The following MCC variants were observed in gnomAD, a reference collection of about 807,000 sequenced individuals.
The protein encoded by MCC is colorectal mutant cancer protein.
MCC carries 90 observed loss-of-function variants against 116.2 expected under a neutral mutation model. The ratio of observed to expected loss-of-function variants is 0.77; its 90% confidence interval spans 0.65 to 0.92. The LOEUF (loss-of-function observed/expected upper bound fraction) is 0.92. MCC is among the 40% of genes least tolerant of loss of function. MCC has a pLI of 0.00. For synonymous variants in MCC, 578 were observed against 510.5 expected (o/e 1.13, Z -1.78); for missense variants, 1,516 against 1,312.2 (o/e 1.16, Z -2.40).
chr5:113,039,717 C>A lies in MCC; in HGVS notation c.2756+3813G>T, dbSNP rs376310738. ...CCTTGCCGTCCCACTCCGCGCCCCC[C>A]CCCCCAACCCACCCCAGGATCACAT... On this transcript the variant is annotated intron_variant, in intron 17 of 18. Transcript: ENST00000408903. Among the ~76,000 whole-genome samples, 689 of 141,262 alleles carry A rather than the reference C, an allele frequency of 4.9e-3. 8 individuals carry two copies. The highest frequency in any genetic ancestry group is 0.014 in the African/African-American group (540 of 38,812). 92.7% of individuals were successfully genotyped at this position (141,262 alleles called of 152,430 possible). A position where few individuals can be genotyped will look rare whatever the true frequency, so the allele number is the denominator to read the frequency against.
intron 1 of MCC, among the ~76,000 whole-genome samples, chr5:113,390,125 T>C (rs1769367465): frequency 6.6e-6 from 1 of 152,138 alleles, no homozygotes; most frequent in Admixed American, 6.5e-5. Flanking sequence ...CTTTTGTATA[T>C]TATTTCAGAA....
intron 1 of MCC, among the ~76,000 whole-genome samples, chr5:113,456,623 ATTT>A (rs34111159): frequency 7.8e-5 from 4 of 51,074 alleles, no homozygotes; most frequent in South Asian, 2.4e-3. Flanking sequence ...TGCCCAGCTA[ATTT>A]TTTTTTTTTT....
chr5:113,092,268 G>C (rs951026622), intron 8 of MCC, among the ~76,000 whole-genome samples: 2 of 152,162 alleles, frequency 1.3e-5, no homozygotes, highest in African/African-American at 4.8e-5. Context: ...AGGAGTGCCA[G>C]AGTTAGAGCT....
intron 6 of MCC, among the ~76,000 whole-genome samples, chr5:113,105,058 G>C (rs1756650598): frequency 6.6e-6 from 1 of 152,186 alleles, no homozygotes; most frequent in African/African-American, 2.4e-5. Flanking sequence ...ATGTGATTCA[G>C]ATATATCTTA....
Position 113,319,553 on chromosome 5 carries a change from A to G in MCC, c.627+20966T>C, listed in dbSNP as rs992137435. On this transcript the variant is annotated intron_variant, in intron 3 of 18. Coordinates refer to ENST00000408903, the MANE Select transcript of MCC (RefSeq NM_001085377.2). ...TGAGCATTTTCTGTGAGCTGGACCA[A>G]GAGAAGATGGAAGGGAGTGATTGGA... Among the ~76,000 whole-genome samples, 21 of 152,220 alleles carry G rather than the reference A, an allele frequency of 1.4e-4. 1 individual carries two copies. Among genetic ancestry groups the G allele is most frequent in the Non-Finnish European group, 1.5e-5 (1 of 68,042 alleles).
intron 11 of MCC, among the ~76,000 whole-genome samples, chr5:113,075,369 C>T (rs1754364143): frequency 6.6e-6 from 1 of 152,232 alleles, no homozygotes; most frequent in South Asian, 2.1e-4. Context: ...GGGTGCCGCC[C>T]CCTGCTCTGA....
chr5:113,091,129 G>A (rs1476903436), intron 8 of MCC, among the ~76,000 whole-genome samples: 1 of 152,244 alleles, frequency 6.6e-6, no homozygotes, highest in African/African-American at 2.4e-5. Flanking sequence ...TCCTGAGGCT[G>A]TGCAGCGGAG....
chr5:113,333,768 ATG>A (rs1767757409), intron 3 of MCC, among the ~76,000 whole-genome samples: 1 of 52,842 alleles, frequency 1.9e-5, no homozygotes, highest in South Asian at 9.0e-4. Context: ...CAAAAACAAA[ATG>A]TCTTTGCTTC....
intron 8 of MCC, among the ~76,000 whole-genome samples, chr5:113,091,641 G>C (rs1478847285): frequency 1.3e-5 from 2 of 152,152 alleles, no homozygotes; most frequent in Non-Finnish European, 2.9e-5. Flanking sequence ...CAACACTTTG[G>C]GAGGCCAAGG....
intron 3 of MCC, among the ~76,000 whole-genome samples, chr5:113,181,023 T>C (rs1761602339): frequency 6.6e-6 from 1 of 152,200 alleles, no homozygotes; most frequent in Non-Finnish European, 1.5e-5. Context: ...CTTGATTAAA[T>C]TAGATCAATG....
Position 113,022,828 on chromosome 5 carries a change from G to C in MCC, c.*4474C>G, listed in dbSNP as rs1750241309. On this transcript the variant is annotated 3_prime_UTR_variant, in exon 19 of 19. Transcript: ENST00000408903. ...GTGGAAAGATGAAGTACTAGTCAAG[G>C]ATGTGGTTTTACATAGCAGTTGCTA... 1 of 152,240 alleles carries C rather than the reference G, an allele frequency of 6.6e-6. No homozygotes were observed. The highest frequency in any genetic ancestry group is 1.5e-5 in the Non-Finnish European group (1 of 68,046). 9.4% of individuals were successfully genotyped at this position (152,240 alleles called of 1,614,324 possible).
At chr5:113,379,115 A>G (rs1048885855) in intron 2 of MCC, among the ~76,000 whole-genome samples, 11 of 152,218 alleles carry the variant, frequency 7.2e-5, no homozygotes, top group African/African-American at 2.4e-4. Context: ...CCTGAGGACC[A>G]TATGTCTGTC....
At chr5:113,090,740 G>T (rs1381845530) in intron 8 of MCC, among the ~76,000 whole-genome samples, 1 of 152,246 alleles carries the variant, frequency 6.6e-6, no homozygotes, top group Non-Finnish European at 1.5e-5. Context: ...AACAGAGGTT[G>T]CAGCTATGTA....
chr5:113,208,823 G>A (rs573180416), intron 3 of MCC, among the ~76,000 whole-genome samples: 1 of 152,166 alleles, frequency 6.6e-6, no homozygotes, highest in African/African-American at 2.4e-5. Context: ...AAAGCAATAT[G>A]TCCCCAACAT....
chr5:113,388,359 A>G (rs1286246491), intron 1 of MCC, among the ~76,000 whole-genome samples: 5 of 152,306 alleles, frequency 3.3e-5, no homozygotes, highest in Middle Eastern at 3.4e-3. Flanking sequence ...CCTGCAGGGG[A>G]ATTACAATTA....
chr5:113,206,379 T>TA (rs1561457232), intron 3 of MCC, among the ~76,000 whole-genome samples: 1 of 152,232 alleles, frequency 6.6e-6, no homozygotes, highest in Admixed American at 6.5e-5. Flanking sequence ...CTTGGCTTTA[T>TA]AAAAATCTGT....
intron 2 of MCC, among the ~76,000 whole-genome samples, chr5:113,371,036 G>C (rs1768825065): frequency 6.6e-6 from 1 of 152,074 alleles, no homozygotes; most frequent in East Asian, 1.9e-4. Flanking sequence ...TGGCCAACAT[G>C]ATGAAACCCC....
chr5:113,434,066 G>C lies in MCC; in HGVS notation c.171-48854C>G. On this transcript the variant is annotated intron_variant, in intron 1 of 18. Transcript: ENST00000408903. The surrounding 1 kb of genome is among the most constrained non-coding windows in gnomAD (Gnocchi z 4.2). ...GGATCTCGTCGATGTGGAGCCGCCGGTTGACGTCGGGCTGCAGCATGTGGT... is the reference window on the plus strand; with the variant it reads ...GGATCTCGTCGATGTGGAGCCGCCGCTTGACGTCGGGCTGCAGCATGTGGT... The C allele has an allele frequency of 6.2e-7, 1 of 1,614,166 alleles. No individual in the cohort carries two copies. Among genetic ancestry groups the C allele is most frequent in the Non-Finnish European group, 8.5e-7 (1 of 1,179,978 alleles).
chr5:113,181,927 A>T (rs1199858879), intron 3 of MCC, among the ~76,000 whole-genome samples: 2 of 152,058 alleles, frequency 1.3e-5, no homozygotes, highest in African/African-American at 4.8e-5. Flanking sequence ...CTCTCCAAGG[A>T]CCCCATTCCC....
Sources: allele counts gnomAD v4.1 joint callset (sites outside exome capture counted in the v4.1 genomes callset), GRCh38; gene constraint gnomAD v4.1.1; non-coding constraint Gnocchi (gnomAD v3.1); transcripts MANE v1.5; gene names NCBI Gene and HGNC (gene_info 2026-07-23, HGNC 2026-07-21).